SP140: variants seen among roughly 807,000 people sequenced by gnomAD.
The protein encoded by SP140 is nuclear body protein SP140.
A neutral mutation model predicts 125.0 loss-of-function variants in SP140; 81 were observed. The ratio of observed to expected loss-of-function variants is 0.65; its 90% confidence interval spans 0.54 to 0.78. The LOEUF (loss-of-function observed/expected upper bound fraction) is 0.78. SP140 is among the 30% of genes least tolerant of loss of function. The probability of loss-of-function intolerance (pLI) is 0.00; values close to 1 mark genes in which losing one functional copy is unlikely to be tolerated. For missense variants in SP140, 858 were observed against 1,037.0 expected, an observed-to-expected ratio of 0.83 and a Z score of 2.37; for synonymous variants, 312 against 354.0, an observed-to-expected ratio of 0.88 and a Z score of 1.33.
chr2:230,307,393 G>A (rs1045035445), intron 22 of SP140, among the ~76,000 whole-genome samples: 4 of 152,340 alleles, frequency 2.6e-5, no homozygotes, highest in East Asian at 1.9e-4. Context: ...CTTGATCACC[G>A]CATTGTGGGT....
intron 6 of SP140, among the ~76,000 whole-genome samples, chr2:230,245,553 CAGAAATGCAA>C (rs1416717084): frequency 6.6e-6 from 1 of 151,952 alleles, no homozygotes; most frequent in Non-Finnish European, 1.5e-5. Flanking sequence ...AAGAAAGAGA[CAGAAATGCAA>C]AGAAATGGTA....
chr2:230,239,045 TAAAG>T (rs1559229746), intron 3 of SP140: 18 of 1,402,454 alleles, frequency 1.3e-5, no homozygotes, highest in African/African-American at 2.9e-5. Context: ...TTTTGGAAAA[TAAAG>T]AAGGAATAAA....
chr2:230,232,582 A>G lies in SP140; in HGVS notation c.60-4501A>G, dbSNP rs184381167. On this transcript the variant is annotated intron_variant, in intron 1 of 26. Coordinates refer to ENST00000392045, the MANE Select transcript of SP140 (RefSeq NM_007237.5). The stretch of plus-strand genomic sequence containing the variant: ...TTTTGAAGTTTAGACTTTTTTCTTA[A>G]GACAAACTTTCTTTTTGTTTTAAAT... 3.3e-5 allele frequency among the ~76,000 whole-genome samples: 5 copies of G among 152,322 alleles called. No individual in the cohort carries two copies. In the East Asian group the frequency reaches 9.6e-4, roughly 29 times the overall value.
chr2:230,305,965 G>A (rs1328925589), intron 22 of SP140, among the ~76,000 whole-genome samples: 4 of 152,202 alleles, frequency 2.6e-5, no homozygotes, highest in African/African-American at 9.6e-5. Context: ...GAGAGGGGGT[G>A]CCCCAAGCCA....
rs542054946 is a variant in SP140, at chr2:230,311,046, A to G, written c.2284-108A>G. 12 of 1,581,386 alleles carry G rather than the reference A, an allele frequency of 7.6e-6. 1 individual carries two copies. The highest frequency in any genetic ancestry group is 3.8e-5 in the Admixed American group (2 of 52,630). On this transcript the variant is annotated intron_variant, in intron 24 of 26. Coordinates refer to ENST00000392045, the MANE Select transcript of SP140 (RefSeq NM_007237.5). The stretch of plus-strand genomic sequence containing the variant: ...ACATGTCTGTTTCCAAGAGCCACAC[A>G]TGTTAGAGAAACTTGAGGAAGAAGG...
At position 230,238,351 on chromosome 2, in the gene SP140, T is replaced by C; in HGVS notation, c.376T>C (p.Leu126=). 1 of 1,611,860 alleles carries C rather than the reference T, an allele frequency of 6.2e-7. No individual in the cohort carries two copies. The highest frequency in any genetic ancestry group is 1.1e-5 in the South Asian group (1 of 90,662). The change falls in exon 3 of 27, where the codon TTA becomes CTA. Residue 126 remains leucine (L), a synonymous_variant. Coordinates refer to ENST00000392045, the MANE Select transcript of SP140 (RefSeq NM_007237.5). ...SRINLMAYPD[L]NEIYRSFQNV... is the part of the protein sequence containing the mutation. ...GATTAACCTGATGGCCTATCCTGAT[T>C]TAAACGAGATTTACAGAAGCTTCCA...
intron 18 of SP140, 162 bp downstream of exon 18, chr2:230,288,128 G>A: frequency 3.1e-6 from 2 of 639,454 alleles, no homozygotes; most frequent in Non-Finnish European, 2.6e-6. Context: ...AATGTGTCAA[G>A]GAAAGAAGGA....
chr2:230,307,400 G>A (rs899389616), intron 22 of SP140, among the ~76,000 whole-genome samples: 2 of 152,216 alleles, frequency 1.3e-5, no homozygotes, highest in African/African-American at 4.8e-5. Flanking sequence ...ACCGCATTGT[G>A]GGTGAAGAGA....
intron 12 of SP140, among the ~76,000 whole-genome samples, chr2:230,267,930 G>A (rs1482627331): frequency 6.6e-6 from 1 of 152,130 alleles, no homozygotes; most frequent in African/African-American, 2.4e-5. Flanking sequence ...GAACATCTTT[G>A]CACAGTTTGG....
intron 12 of SP140, among the ~76,000 whole-genome samples, chr2:230,261,375 G>A (rs182529406): frequency 6.6e-6 from 1 of 152,170 alleles, no homozygotes; most frequent in East Asian, 1.9e-4. Flanking sequence ...GGTTTTCAAG[G>A]TATACAGTCA....
chr2:230,207,906 T>C, intron 1 of SP140: 1 of 723,000 alleles, frequency 1.4e-6, no homozygotes, highest in Admixed American at 2.3e-5. Context: ...GCATTTAGAA[T>C]AAAATTCAAC....
At position 230,225,913 on chromosome 2, in the gene SP140, C is replaced by A. The variant is rs571039177; in HGVS notation, c.59+10C>A. 3.0e-5 allele frequency: 49 copies of A among 1,611,538 alleles called. No homozygotes were observed. In the South Asian group the frequency reaches 5.1e-4, roughly 17 times the overall value. ...GCAATCTCAACTTCAGGTGGGTCAT[C>A]GTCTCCTTTCCCGTCTGTCCTTCAT... On this transcript the variant is annotated intron_variant, in intron 1 of 26. Transcript: ENST00000392045.
At chr2:230,238,410 G>C in intron 3 of SP140, 29 bp downstream of exon 3, 1 of 1,575,732 alleles carries the variant, frequency 6.3e-7, no homozygotes, top group Non-Finnish European at 8.6e-7. Flanking sequence ...AGCTTTGGGG[G>C]ATTCAAGCCC....
intron 12 of SP140, 121 bp from the exon 13 acceptor site, chr2:230,269,411 T>G: frequency 1.4e-6 from 1 of 693,638 alleles, no homozygotes; most frequent in South Asian, 1.7e-5. Context: ...CAGGTATATT[T>G]TTTTCCAGAG....
chr2:230,270,493 TA>T, intron 14 of SP140, 92 bp from the exon 15 acceptor site: 1 of 1,266,664 alleles, frequency 7.9e-7, no homozygotes, highest in Non-Finnish European at 1.1e-6. Flanking sequence ...AGCATCTGTA[TA>T]AACTCAAGCC....
chr2:230,290,412 G>C, intron 18 of SP140, 48 bp from the exon 19 acceptor site: 3 of 1,537,698 alleles, frequency 2.0e-6, no homozygotes, highest in Non-Finnish European at 2.7e-6. Flanking sequence ...AGGGAGGGGG[G>C]ACGTGCCTTT....
At chr2:230,288,082 C>A in intron 18 of SP140, 116 bp downstream of exon 18, 1 of 850,276 alleles carries the variant, frequency 1.2e-6, no homozygotes, top group Non-Finnish European at 1.7e-6. Context: ...GCTGTACTAA[C>A]TAGTGAGAAA....
At chr2:230,264,902 G>A (rs751999301) in intron 12 of SP140, among the ~76,000 whole-genome samples, 12 of 152,122 alleles carry the variant, frequency 7.9e-5, no homozygotes, top group Admixed American at 5.2e-4. Flanking sequence ...ACTCCATGGG[G>A]GTCCTTTGGT....
At position 230,282,459 on chromosome 2, in the gene SP140, C is replaced by T. The variant is rs573916462; in HGVS notation, c.1499-1887C>T. 7.9e-5 allele frequency among the ~76,000 whole-genome samples: 12 copies of T among 152,282 alleles called. No homozygotes were observed. In the East Asian group the frequency reaches 1.3e-3, roughly 17 times the overall value. On this transcript the variant is annotated intron_variant, in intron 15 of 26. Coordinates refer to ENST00000392045, the MANE Select transcript of SP140 (RefSeq NM_007237.5). ...CACCCCATCAGCCACTCTGATTATT[C>T]GGACCCATGGGTCCACATCCATTCA... is the stretch of plus-strand genomic sequence containing the variant.
Sources: allele counts gnomAD v4.1 joint callset (sites outside exome capture counted in the v4.1 genomes callset), GRCh38; gene constraint gnomAD v4.1.1; transcripts MANE v1.5; gene names NCBI Gene and HGNC (gene_info 2026-07-23, HGNC 2026-07-21).